The following CNTN6 variants were observed in gnomAD, a reference collection of about 807,000 sequenced individuals.
The protein encoded by CNTN6 is contactin-6.
A neutral mutation model predicts 122.8 loss-of-function variants in CNTN6; 137 were observed. The ratio of observed to expected loss-of-function variants is 1.12; its 90% confidence interval spans 0.97 to 1.29. The LOEUF (loss-of-function observed/expected upper bound fraction) is 1.29, where lower values mean the gene tolerates loss of function less well. CNTN6 is among the 50% of genes most tolerant of loss of function. The pLI is 0.00. For synonymous variants in CNTN6, 570 were observed against 426.0 expected, an observed-to-expected ratio of 1.34 and a Z score of -4.16; for missense variants, 1,634 against 1,223.4, an observed-to-expected ratio of 1.34 and a Z score of -5.01.
intron 11 of CNTN6, among the ~76,000 whole-genome samples, chr3:1,336,738 A>T (rs1368361976): frequency 1.3e-5 from 2 of 152,106 alleles, no homozygotes; most frequent in Non-Finnish European, 1.5e-5. Flanking sequence ...CAATTATTGA[A>T]CAAGCGGTGC....
chr3:1,357,144 T>C (rs1012595624), intron 12 of CNTN6, among the ~76,000 whole-genome samples: 1 of 151,888 alleles, frequency 6.6e-6, no homozygotes, highest in East Asian at 1.9e-4. Flanking sequence ...AGCATAGGTT[T>C]TACCACTTTT....
At chr3:1,147,843 T>G in intron 1 of CNTN6, 84 bp from the exon 2 acceptor site, 1 of 485,838 alleles carries the variant, frequency 2.1e-6, no homozygotes, top group Non-Finnish European at 3.7e-6. Flanking sequence ...AATATTAAAT[T>G]GAATTAATAT....
chr3:1,202,496 G>A (rs1353179952), intron 2 of CNTN6, among the ~76,000 whole-genome samples: 2 of 150,770 alleles, frequency 1.3e-5, no homozygotes, highest in Non-Finnish European at 2.9e-5. Flanking sequence ...AGCCAAGATG[G>A]CGCCACCGCC....
At chr3:1,313,117 A>C (rs1699624406) in intron 7 of CNTN6, among the ~76,000 whole-genome samples, 1 of 152,042 alleles carries the variant, frequency 6.6e-6, no homozygotes, top group South Asian at 2.1e-4. Flanking sequence ...CACAAGGCCC[A>C]CCTACCTATA....
chr3:1,179,467 T>C (rs1334855582), intron 2 of CNTN6, among the ~76,000 whole-genome samples: 1 of 152,188 alleles, frequency 6.6e-6, no homozygotes, highest in African/African-American at 2.4e-5. Flanking sequence ...GCCTTGGTTT[T>C]AGGCGAATTA....
chr3:1,190,588 A>G lies in CNTN6; in HGVS notation c.56-30099A>G, dbSNP rs543919677. 2.0e-5 allele frequency among the ~76,000 whole-genome samples: 3 copies of G among 152,298 alleles called. No individual in the cohort carries two copies. The South Asian group carries it at 6.2e-4, about 32-fold the overall frequency. On this transcript the variant is annotated intron_variant, in intron 2 of 22. Transcript: ENST00000446702. ...TTATAAAATGGGTGCCTTGCAGAGGAGAGTTTAAGCAAAGTTTAAGAATTG... is the reference window on the plus strand; with the variant it reads ...TTATAAAATGGGTGCCTTGCAGAGGGGAGTTTAAGCAAAGTTTAAGAATTG...
chr3:1,322,996 G>T (rs914926695), intron 8 of CNTN6, among the ~76,000 whole-genome samples: 4 of 151,472 alleles, frequency 2.6e-5, no homozygotes, highest in Non-Finnish European at 4.4e-5. Flanking sequence ...GAATGCTTTG[G>T]CTAGTTTTAA....
chr3:1,202,404 G>A (rs898250822), intron 2 of CNTN6, among the ~76,000 whole-genome samples: 5 of 149,328 alleles, frequency 3.3e-5, no homozygotes, highest in Non-Finnish European at 7.5e-5. Flanking sequence ...GCCGGGCGTG[G>A]TGGCGGGCGC....
At chr3:1,126,725 G>T (rs911653647) in intron 1 of CNTN6, among the ~76,000 whole-genome samples, 2 of 151,786 alleles carry the variant, frequency 1.3e-5, no homozygotes, top group African/African-American at 4.8e-5. Flanking sequence ...TTATTGACTG[G>T]AAACAATGTC....
chr3:1,349,398 T>G (rs1009386465), intron 11 of CNTN6, among the ~76,000 whole-genome samples: 2 of 151,090 alleles, frequency 1.3e-5, no homozygotes, highest in African/African-American at 4.9e-5. Flanking sequence ...GCTGTGTGTG[T>G]TTTTTTTTAA....
chr3:1,315,056 G>A (rs1006585444), intron 7 of CNTN6, among the ~76,000 whole-genome samples: 1 of 151,930 alleles, frequency 6.6e-6, no homozygotes, highest in Non-Finnish European at 1.5e-5. Flanking sequence ...GGGAAATGTT[G>A]CCAGAAACGA....
At chr3:1,133,367 T>C (rs1292504347) in intron 1 of CNTN6, among the ~76,000 whole-genome samples, 1 of 152,176 alleles carries the variant, frequency 6.6e-6, no homozygotes, top group African/African-American at 2.4e-5. Flanking sequence ...GCAGCTAGTA[T>C]GTATTGAGAG....
chr3:1,323,737 C>T (rs962541492), intron 8 of CNTN6, among the ~76,000 whole-genome samples: 2 of 151,606 alleles, frequency 1.3e-5, no homozygotes, highest in African/African-American at 2.4e-5. Flanking sequence ...CTTTTCATAA[C>T]CAGTCAATAT....
chr3:1,197,528 T>G (rs958889264), intron 2 of CNTN6, among the ~76,000 whole-genome samples: 1 of 152,154 alleles, frequency 6.6e-6, no homozygotes, highest in Non-Finnish European at 1.5e-5. Context: ...AGCTCATAAA[T>G]TAAAAGTAAA....
Position 1,390,441 on chromosome 3 carries a change from G to A in CNTN6, c.2704+4644G>A, listed in dbSNP as rs979266709. ...TAGAGGGAAATTTATAGCACTAAAT[G>A]CCCACAAGAGAAAGCAGGAAAGATC... On this transcript the variant is annotated intron_variant, in intron 20 of 22. Transcript: ENST00000446702. 2.0e-5 allele frequency among the ~76,000 whole-genome samples: 3 copies of A among 151,392 alleles called. No individual in the cohort carries two copies. The East Asian group carries it at 5.8e-4, about 29-fold the overall frequency.
At chr3:1,368,254 A>G (rs905584882) in intron 12 of CNTN6, among the ~76,000 whole-genome samples, 3 of 152,198 alleles carry the variant, frequency 2.0e-5, no homozygotes, top group Non-Finnish European at 4.4e-5. Flanking sequence ...TTCTTGTACA[A>G]CCTCCACAAG....
intron 2 of CNTN6, among the ~76,000 whole-genome samples, chr3:1,159,782 A>G (rs1484041940): frequency 6.6e-6 from 1 of 151,836 alleles, no homozygotes; most frequent in Non-Finnish European, 1.5e-5. Context: ...AGAAATTTAG[A>G]GTTAATTTAT....
intron 2 of CNTN6, among the ~76,000 whole-genome samples, chr3:1,170,252 A>G (rs2093336582): frequency 7.2e-6 from 1 of 139,088 alleles, no homozygotes; most frequent in Non-Finnish European, 1.6e-5. Flanking sequence ...AAAAAAAAAA[A>G]AAAAAAAAAA....
intron 2 of CNTN6, among the ~76,000 whole-genome samples, chr3:1,188,064 C>T (rs752822456): frequency 6.6e-6 from 1 of 152,172 alleles, no homozygotes; most frequent in Non-Finnish European, 1.5e-5. Flanking sequence ...CATTTATTCA[C>T]ACCCCCTGCA....
Sources: allele counts gnomAD v4.1 joint callset (sites outside exome capture counted in the v4.1 genomes callset), GRCh38; gene constraint gnomAD v4.1.1; transcripts MANE v1.5; gene names NCBI Gene and HGNC (gene_info 2026-07-23, HGNC 2026-07-21).